The following KSR1 variants were observed in gnomAD, a reference collection of about 807,000 sequenced individuals.
KSR1 encodes the protein kinase suppressor of ras 1, also known as kinase suppressor of ras.
A neutral mutation model predicts 92.9 loss-of-function variants in KSR1; 35 were observed. The observed-to-expected ratio is 0.38, with a 90% CI of 0.29 to 0.50. The LOEUF (loss-of-function observed/expected upper bound fraction) is 0.50, where lower values mean the gene tolerates loss of function less well. Among genes scored for constraint, KSR1 ranks in the 20% least tolerant of loss-of-function variants. The probability of loss-of-function intolerance (pLI) is 0.94; values close to 1 mark genes in which losing one functional copy is unlikely to be tolerated. For missense variants in KSR1, 972 were observed against 1,158.5 expected (o/e 0.84, Z 2.34); for synonymous variants, 467 against 472.6 (o/e 0.99, Z 0.15).
At chr17:27,563,538 C>G (rs939335761) in intron 2 of KSR1, among the ~76,000 whole-genome samples, 1 of 152,100 alleles carries the variant, frequency 6.6e-6, no homozygotes, top group Non-Finnish European at 1.5e-5. Context: ...ATTACAGGCA[C>G]GAGCCACCGA....
intron 9 of KSR1, among the ~76,000 whole-genome samples, chr17:27,594,179 T>C (rs1160736051): frequency 1.3e-5 from 2 of 152,190 alleles, no homozygotes; most frequent in African/African-American, 4.8e-5. Flanking sequence ...ACTTTCTGCT[T>C]TGTAAATTGG....
At chr17:27,557,508 A>G (rs1274462562) in intron 2 of KSR1, among the ~76,000 whole-genome samples, 1 of 152,166 alleles carries the variant, frequency 6.6e-6, no homozygotes, top group Non-Finnish European at 1.5e-5. Flanking sequence ...ATGGACCTGC[A>G]TGGCTGTGGC....
chr17:27,611,114 G>C (rs2073902262), intron 17 of KSR1, among the ~76,000 whole-genome samples: 1 of 152,200 alleles, frequency 6.6e-6, no homozygotes, highest in African/African-American at 2.4e-5. Flanking sequence ...ATGTGTGCCA[G>C]GTGCTGGGCT....
Position 27,583,206 on chromosome 17 carries a change from G to A in KSR1, c.980+101G>A, listed in dbSNP as rs73983480. 1,527 of 813,226 alleles carry A rather than the reference G, an allele frequency of 1.9e-3. 17 individuals carry two copies. The African/African-American group carries it at 0.023, about 12-fold the overall frequency. 50.4% of individuals were successfully genotyped at this position (813,226 alleles called of 1,614,324 possible). A position where few individuals can be genotyped will look rare whatever the true frequency, so the allele number is the denominator to read the frequency against. ...ATAAAATCAACCCCTATAGACGTGT[G>A]TAAAGTCAAAAGTAAAAGGTGCCCC... On this transcript the variant is annotated intron_variant, in intron 4 of 20. Coordinates refer to ENST00000644974, the MANE Select transcript of KSR1 (RefSeq NM_001394583.1).
In KSR1 at chr17:27,577,564, C is replaced by T. The variant is rs755995795; in HGVS notation, c.445C>T (p.Arg149Cys). The stretch of plus-strand genomic sequence containing the variant: ...GGCCAAGGTGAAGGAGACGCTGCGG[C>T]GCTGTGGGGCCAGCGGGGATGAGTG... Reference protein sequence around the residue: ...NEAKVKETLRRCGASGDECGR... With the variant: ...NEAKVKETLRCCGASGDECGR... Residue 149 changes from arginine (R) to cysteine (C), a missense_variant, in exon 3 of 21, where the codon CGC (arginine) becomes TGC (cysteine). By Grantham distance (180) the Arg-to-Cys change is radical (BLOSUM62 -3). Transcript: ENST00000644974. This position sits in a 1 kb window ranked among gnomAD's most constrained non-coding sequence, Gnocchi z 4.5. 4.9e-5 allele frequency: 78 copies of T among 1,605,492 alleles called. No homozygotes were observed. In the Middle Eastern group the frequency reaches 1.1e-3, roughly 22 times the overall value.
At chr17:27,555,755 C>T (rs2071572247) in intron 2 of KSR1, among the ~76,000 whole-genome samples, 1 of 152,206 alleles carries the variant, frequency 6.6e-6, no homozygotes, top group Non-Finnish European at 1.5e-5. Flanking sequence ...TCTAAGTTTA[C>T]AGTTCAATGA....
At chr17:27,526,386 T>G in intron 1 of KSR1, 4 of 1,490,532 alleles carry the variant, frequency 2.7e-6, no homozygotes, top group Non-Finnish European at 2.7e-6. Context: ...CCCCAAAGTC[T>G]TAGGGTGAAT....
chr17:27,585,721 C>G (rs981102131), intron 5 of KSR1, 60 bp downstream of exon 5: 5 of 738,408 alleles, frequency 6.8e-6, no homozygotes, highest in Non-Finnish European at 1.3e-5. Flanking sequence ...CGTTGCTGTC[C>G]CCATCGGGGG....
intron 1 of KSR1, among the ~76,000 whole-genome samples, chr17:27,507,795 GA>G (rs1195502983): frequency 2.6e-5 from 4 of 151,862 alleles, no homozygotes; most frequent in Non-Finnish European, 5.9e-5. Context: ...GGCTGATCTC[GA>G]ACTCCCAACC....
At chr17:27,458,315 G>A (rs1052275077) in intron 1 of KSR1, among the ~76,000 whole-genome samples, 10 of 152,166 alleles carry the variant, frequency 6.6e-5, no homozygotes, top group African/African-American at 2.4e-4. Context: ...CAACAATAGG[G>A]GGCCTGTGAG....
At chr17:27,558,692 T>G (rs2151108189) in intron 2 of KSR1, among the ~76,000 whole-genome samples, 1 of 139,292 alleles carries the variant, frequency 7.2e-6, no homozygotes, top group Non-Finnish European at 1.5e-5. Context: ...CTGTCTGTCT[T>G]TCTGTTTTTT....
At chr17:27,551,375 A>C (rs1006587095) in intron 2 of KSR1, among the ~76,000 whole-genome samples, 5 of 152,156 alleles carry the variant, frequency 3.3e-5, no homozygotes, top group African/African-American at 1.2e-4. Context: ...CCTACTTGGC[A>C]GGCATGGTTC....
chr17:27,538,550 G>T (rs1268156513), intron 1 of KSR1, among the ~76,000 whole-genome samples: 1 of 152,184 alleles, frequency 6.6e-6, no homozygotes, highest in Non-Finnish European at 1.5e-5. Flanking sequence ...GGCTGTGCAG[G>T]GACCCCATTC....
chr17:27,590,527 G>A (rs1567862227), intron 6 of KSR1, among the ~76,000 whole-genome samples: 1 of 152,224 alleles, frequency 6.6e-6, no homozygotes, highest in Non-Finnish European at 1.5e-5. Flanking sequence ...TGGGGTCAAA[G>A]GGTATGCGCA....
chr17:27,511,927 C>T (rs1366396748), intron 1 of KSR1, among the ~76,000 whole-genome samples: 1 of 152,244 alleles, frequency 6.6e-6, no homozygotes, highest in African/African-American at 2.4e-5. Context: ...TAAGCTTGCT[C>T]ATCAGGGAGA....
At chr17:27,544,290 T>G (rs114439032) in intron 1 of KSR1, among the ~76,000 whole-genome samples, 1,771 of 152,290 alleles carry the variant, frequency 0.012, 25 homozygotes, top group African/African-American at 0.04. Flanking sequence ...GACCCGTGGT[T>G]TGTTTTTTGC....
At chr17:27,609,078 G>C (rs2073844790) in intron 15 of KSR1, 118 bp from the exon 16 acceptor site, 10 of 1,201,488 alleles carry the variant, frequency 8.3e-6, no homozygotes, top group Non-Finnish European at 1.2e-5. Flanking sequence ...GTAAAATGGG[G>C]ACAATATACT....
intron 1 of KSR1, among the ~76,000 whole-genome samples, chr17:27,539,415 T>A (rs2070875642): frequency 6.6e-6 from 1 of 152,224 alleles, no homozygotes; most frequent in Non-Finnish European, 1.5e-5. Context: ...GCAGCAGGGC[T>A]GCTGTGTCAT....
intron 2 of KSR1, among the ~76,000 whole-genome samples, chr17:27,563,173 T>C (rs1052611046): frequency 6.6e-6 from 1 of 152,224 alleles, no homozygotes; most frequent in Non-Finnish European, 1.5e-5. Flanking sequence ...CTCTTTACCC[T>C]CTTGATTTCA....
Sources: gnomAD v4.1 joint callset for allele counts (sites outside exome capture counted in the v4.1 genomes callset) on GRCh38, gnomAD v4.1.1 for gene constraint, Gnocchi (gnomAD v3.1) non-coding constraint, MANE v1.5 for transcripts, NCBI Gene and HGNC (gene_info 2026-07-23, HGNC 2026-07-21) for gene names.